Variants in DSCAML1 observed in about 807,000 individuals in gnomAD.
DSCAML1 encodes the protein DS cell adhesion molecule like 1.
A neutral mutation model predicts 200.5 loss-of-function variants in DSCAML1; 38 were observed. The observed-to-expected ratio is 0.19, with a 90% CI of 0.15 to 0.25. The LOEUF (loss-of-function observed/expected upper bound fraction) is 0.25. DSCAML1 is among the 10% of genes least tolerant of loss of function. The pLI, the probability that DSCAML1 is intolerant of heterozygous loss-of-function variation, is 1.00. For synonymous variants in DSCAML1, 1,215 were observed against 1,165.0 expected, an observed-to-expected ratio of 1.04 and a Z score of -0.87; for missense variants, 2,223 against 2,858.8, an observed-to-expected ratio of 0.78 and a Z score of 5.07.
chr11:117,609,949 C>T (rs1194563219), intron 3 of DSCAML1, among the ~76,000 whole-genome samples: 1 of 152,082 alleles, frequency 6.6e-6, no homozygotes, highest in Non-Finnish European at 1.5e-5. Flanking sequence ...TGGCCTTGCC[C>T]CTGTGCTCCT....
In DSCAML1 at chr11:117,437,987, C is replaced by T; in HGVS notation, c.4340G>A (p.Cys1447Tyr). 6.2e-7 allele frequency: 1 copy of T among 1,614,172 alleles called. No individual in the cohort carries two copies. The highest frequency in any genetic ancestry group is 8.5e-7 in the Non-Finnish European group (1 of 1,180,034). The change falls in exon 25 of 33, where the codon TGT becomes TAT. Residue 1447 changes from cysteine to tyrosine, a missense_variant. Physicochemically the swap from Cys to Tyr is radical, Grantham distance 194. Coordinates refer to ENST00000651296, the MANE Select transcript of DSCAML1 (RefSeq NM_020693.4). This position sits in a 1 kb window ranked among gnomAD's most constrained non-coding sequence, Gnocchi z 5.3. ...CAGCTTCACCTTGTACCACGTGCCA[C>T]ACTTGAGGCTGTCCAGCTTGAAGGA... is the stretch of plus-strand genomic sequence containing the variant. ...ERSFKLDSLK[C>Y]GTWYKVKLAA...
chr11:117,664,633 C>A (rs1217324160), intron 3 of DSCAML1, among the ~76,000 whole-genome samples: 2 of 152,216 alleles, frequency 1.3e-5, no homozygotes, highest in Admixed American at 6.5e-5. Context: ...ATGTCTACCC[C>A]GTAATGGACA....
intron 3 of DSCAML1, among the ~76,000 whole-genome samples, chr11:117,703,978 T>A (rs1383762455): frequency 6.6e-6 from 1 of 152,068 alleles, no homozygotes; most frequent in Non-Finnish European, 1.5e-5. Context: ...ATTTTACAGA[T>A]GAGGAAAATG....
intron 3 of DSCAML1, among the ~76,000 whole-genome samples, chr11:117,689,527 T>C (rs916334634): frequency 6.6e-6 from 1 of 152,216 alleles, no homozygotes; most frequent in African/African-American, 2.4e-5. Flanking sequence ...TTCTGGAAAC[T>C]CCTTCCCTGT....
intron 3 of DSCAML1, among the ~76,000 whole-genome samples, chr11:117,712,939 T>C (rs1470998852): frequency 2.0e-5 from 3 of 152,018 alleles, no homozygotes; most frequent in African/African-American, 7.3e-5. Context: ...GGGAAAGAGA[T>C]TGAGGTATGA....
At chr11:117,500,220 C>A (rs1278619754) in intron 11 of DSCAML1, among the ~76,000 whole-genome samples, 1 of 152,196 alleles carries the variant, frequency 6.6e-6, no homozygotes, top group Non-Finnish European at 1.5e-5. Flanking sequence ...TTGACACGTG[C>A]TTCTTCACCC....
intron 3 of DSCAML1, among the ~76,000 whole-genome samples, chr11:117,766,179 A>C (rs1336178595): frequency 6.6e-6 from 1 of 152,222 alleles, no homozygotes; most frequent in African/African-American, 2.4e-5. Context: ...ACAGAACCGC[A>C]GCACCGTCTC....
chr11:117,651,992 C>G (rs1348855706), intron 3 of DSCAML1, among the ~76,000 whole-genome samples: 1 of 152,182 alleles, frequency 6.6e-6, no homozygotes, highest in Non-Finnish European at 1.5e-5. Context: ...TCACCTCTGG[C>G]TTCTGAGCCA....
intron 29 of DSCAML1, 50 bp from the exon 30 acceptor site, chr11:117,432,554 A>G (rs2047823687): frequency 6.4e-7 from 1 of 1,571,036 alleles, no homozygotes; most frequent in Admixed American, 1.8e-5. Context: ...TGTTTTTTAA[A>G]GCTCTTTTGG....
intron 3 of DSCAML1, among the ~76,000 whole-genome samples, chr11:117,629,963 A>T (rs1289736488): frequency 6.6e-6 from 1 of 152,292 alleles, no homozygotes; most frequent in Non-Finnish European, 1.5e-5. Flanking sequence ...GTGAACTAGG[A>T]TTGCACCACT....
chr11:117,621,702 G>T (rs2051935141), intron 3 of DSCAML1, among the ~76,000 whole-genome samples: 2 of 152,160 alleles, frequency 1.3e-5, no homozygotes, highest in African/African-American at 2.4e-5. Flanking sequence ...CTCATGAATT[G>T]GCTGTGCTGT....
intron 13 of DSCAML1, 88 bp downstream of exon 13, chr11:117,481,086 T>C: frequency 1.6e-6 from 2 of 1,268,468 alleles, no homozygotes; most frequent in Non-Finnish European, 2.3e-6. Flanking sequence ...TGGCGTAGGC[T>C]GTGGCCCCTG....
At chr11:117,433,612 G>A (rs986903889) in intron 27 of DSCAML1, 141 bp from the exon 28 acceptor site, 2 of 858,754 alleles carry the variant, frequency 2.3e-6, no homozygotes, top group African/African-American at 1.7e-5. Context: ...AAGGAGAAAT[G>A]TAAGGACCTA....
At chr11:117,636,608 T>G (rs973272352) in intron 3 of DSCAML1, among the ~76,000 whole-genome samples, 2 of 152,090 alleles carry the variant, frequency 1.3e-5, no homozygotes, top group Non-Finnish European at 2.9e-5. Context: ...GGAGCCACAC[T>G]TCCCCCTGCC....
chr11:117,731,435 A>C (rs1470830411), intron 3 of DSCAML1, among the ~76,000 whole-genome samples: 1 of 152,214 alleles, frequency 6.6e-6, no homozygotes, highest in Non-Finnish European at 1.5e-5. Context: ...CTCACAGTGC[A>C]TAAGCTATAA....
chr11:117,612,648 C>T (rs897353090), intron 3 of DSCAML1, among the ~76,000 whole-genome samples: 1 of 152,226 alleles, frequency 6.6e-6, no homozygotes, highest in Non-Finnish European at 1.5e-5. Context: ...CAGCCCTCCC[C>T]AGCCAGTGAG....
intron 3 of DSCAML1, among the ~76,000 whole-genome samples, chr11:117,578,952 A>G (rs1357345114): frequency 6.6e-6 from 1 of 152,188 alleles, no homozygotes; most frequent in African/African-American, 2.4e-5. Flanking sequence ...ATTCCCCATG[A>G]AGGGCATCCC....
At chr11:117,699,828 A>T (rs1466032315) in intron 3 of DSCAML1, among the ~76,000 whole-genome samples, 1 of 152,260 alleles carries the variant, frequency 6.6e-6, no homozygotes, top group Non-Finnish European at 1.5e-5. Flanking sequence ...CTGACACAGA[A>T]GATATCCAAA....
chr11:117,435,869 T>A, intron 26 of DSCAML1, 70 bp from the exon 27 acceptor site: 2 of 1,521,116 alleles, frequency 1.3e-6, no homozygotes, highest in Admixed American at 1.8e-5. Context: ...ATCTCATGGG[T>A]GGGGCAGTCC....
Sources: allele counts gnomAD v4.1 joint callset (sites outside exome capture counted in the v4.1 genomes callset), GRCh38; gene constraint gnomAD v4.1.1; non-coding constraint Gnocchi (gnomAD v3.1); transcripts MANE v1.5; gene names NCBI Gene and HGNC (gene_info 2026-07-23, HGNC 2026-07-21).